NSL1: variants seen among roughly 807,000 people sequenced by gnomAD.
The protein encoded by NSL1 is kinetochore-associated protein NSL1 homolog.
In NSL1, 11 loss-of-function variants were observed where a neutral mutation model predicts 25.4. The observed-to-expected ratio is 0.43, with a 90% CI of 0.27 to 0.72. The LOEUF (loss-of-function observed/expected upper bound fraction) is 0.72. Ranked by LOEUF, NSL1 falls within the 30% of genes least tolerant of loss-of-function variation. The probability of loss-of-function intolerance (pLI) is 0.19; values close to 1 mark genes in which losing one functional copy is unlikely to be tolerated. For missense variants in NSL1, 330 were observed against 342.7 expected (o/e 0.96, Z 0.29); for synonymous variants, 118 against 120.6 (o/e 0.98, Z 0.14).
At chr1:212,786,804 TA>T (rs1660966850) in intron 2 of NSL1, among the ~76,000 whole-genome samples, 1 of 152,128 alleles carries the variant, frequency 6.6e-6, no homozygotes, top group East Asian at 1.9e-4. Context: ...AAACTCTGTC[TA>T]AAAAGAAAGA....
At chr1:212,790,958 A>G (rs190817651) in intron 1 of NSL1, among the ~76,000 whole-genome samples, 166 of 152,136 alleles carry the variant, frequency 1.1e-3, no homozygotes, top group African/African-American at 3.9e-3. Context: ...ATAAATAAAT[A>G]AAACATGCAA....
intron 1 of NSL1, among the ~76,000 whole-genome samples, chr1:212,790,138 C>T (rs547966400): frequency 5.9e-5 from 9 of 152,068 alleles, no homozygotes; most frequent in South Asian, 2.1e-4. Context: ...CTCAGCCTCC[C>T]GAGTAGCTGG....
intron 4 of NSL1, among the ~76,000 whole-genome samples, chr1:212,777,776 G>A (rs888850441): frequency 6.6e-6 from 1 of 152,294 alleles, no homozygotes. Flanking sequence ...TCTGAAACAA[G>A]TATGACAAAA....
chr1:212,741,740 G>A (rs1022473464), intron 4 of NSL1, among the ~76,000 whole-genome samples: 1 of 152,176 alleles, frequency 6.6e-6, no homozygotes, highest in Non-Finnish European at 1.5e-5. Context: ...ACAGCAGTGT[G>A]AGAAGAGACT....
At chr1:212,752,225 A>C (rs921452250) in intron 4 of NSL1, among the ~76,000 whole-genome samples, 1 of 152,252 alleles carries the variant, frequency 6.6e-6, no homozygotes, top group African/African-American at 2.4e-5. Flanking sequence ...ATAAGCCTGT[A>C]AAGGGTTGCC....
At position 212,727,142 on chromosome 1, in the gene NSL1, C is replaced by T; in HGVS notation, c.*11266G>A. On this transcript the variant is annotated 3_prime_UTR_variant, in exon 6 of 6. Coordinates refer to ENST00000366977, the MANE Select transcript of NSL1 (RefSeq NM_015471.4). Reference sequence around the variant, plus strand: ...GAAGGTTCCCCGATCCCCTTCTCTCCTAAACTGCCCCTAGAGCTAGTCCAC... The same window carrying T: ...GAAGGTTCCCCGATCCCCTTCTCTCTTAAACTGCCCCTAGAGCTAGTCCAC... The T allele has an allele frequency of 1.9e-6, 3 of 1,578,986 alleles. No individual in the cohort carries two copies. Among genetic ancestry groups the T allele is most frequent in the Admixed American group, 1.8e-5 (1 of 55,602 alleles).
At chr1:212,780,308 T>TGC (rs1444085958) in intron 4 of NSL1, among the ~76,000 whole-genome samples, 2 of 152,050 alleles carry the variant, frequency 1.3e-5, no homozygotes, top group African/African-American at 2.4e-5. Flanking sequence ...GAAGGCAGCG[T>TGC]GCTCGTTGAG....
chr1:212,790,679 T>C (rs1661173783), intron 1 of NSL1, among the ~76,000 whole-genome samples: 1 of 152,020 alleles, frequency 6.6e-6, no homozygotes, highest in Non-Finnish European at 1.5e-5. Context: ...TACCAGCACT[T>C]TGGGAGCCCA....
At position 212,782,131 on chromosome 1, in the gene NSL1, G is replaced by A. The variant is rs1020738932; in HGVS notation, c.499+241C>T. 5 of 704,088 alleles carry A rather than the reference G, an allele frequency of 7.1e-6. No individual in the cohort carries two copies. The East Asian group carries it at 1.4e-4, about 19-fold the overall frequency. The allele number at this position is 704,088 out of a possible 1,614,324, so 43.6% of individuals were successfully genotyped here. ...AGATGGGTATGTGTTATAATAGTCT[G>A]GGTCAGGCAAGAACTTTATAAAAGC... On this transcript the variant is annotated intron_variant, in intron 4 of 5. Coordinates refer to ENST00000366977, the MANE Select transcript of NSL1 (RefSeq NM_015471.4).
At chr1:212,764,797 G>A (rs1454465703) in intron 4 of NSL1, among the ~76,000 whole-genome samples, 1 of 112,526 alleles carries the variant, frequency 8.9e-6, no homozygotes, top group Non-Finnish European at 1.6e-5. Context: ...AGTGAGCCAA[G>A]ATCACACCAC....
chr1:212,780,160 G>T (rs1424860742), intron 4 of NSL1, among the ~76,000 whole-genome samples: 1 of 151,936 alleles, frequency 6.6e-6, no homozygotes, highest in Non-Finnish European at 1.5e-5. Flanking sequence ...TCTGTACTAA[G>T]AAAAATTCTT....
intron 4 of NSL1, among the ~76,000 whole-genome samples, chr1:212,741,270 C>T (rs1356265908): frequency 6.6e-6 from 1 of 152,168 alleles, no homozygotes; most frequent in Admixed American, 6.5e-5. Flanking sequence ...CAGGCCCACA[C>T]TTACTCTCTC....
At chr1:212,768,583 G>A (rs1381425295) in intron 4 of NSL1, among the ~76,000 whole-genome samples, 1 of 152,194 alleles carries the variant, frequency 6.6e-6, no homozygotes, top group African/African-American at 2.4e-5. Context: ...AACCTGGATG[G>A]AGTTGGAGTC....
Position 212,735,630 on chromosome 1 carries a change from G to A in NSL1, c.*2778C>T. The A allele has an allele frequency of 3.0e-6, 2 of 662,116 alleles. No homozygotes were observed. The highest frequency in any genetic ancestry group is 3.7e-6 in the Non-Finnish European group (2 of 534,872). The allele number at this position is 662,116 out of a possible 1,614,324, so 41.0% of individuals were successfully genotyped here. A position where few individuals can be genotyped will look rare whatever the true frequency, so the allele number is the denominator to read the frequency against. On this transcript the variant is annotated 3_prime_UTR_variant, in exon 6 of 6. Coordinates refer to ENST00000366977, the MANE Select transcript of NSL1 (RefSeq NM_015471.4). ...CTCCCATGTGCCTATAGCTGTATTT[G>A]GAGATGGGGCCTCTAAGGAAATAAT...
intron 4 of NSL1, among the ~76,000 whole-genome samples, chr1:212,744,752 ACAG>A (rs1658677813): frequency 6.6e-6 from 1 of 152,194 alleles, no homozygotes; most frequent in Non-Finnish European, 1.5e-5. Context: ...TGAGTGTTCA[ACAG>A]CAGATTTGGG....
intron 1 of NSL1, among the ~76,000 whole-genome samples, chr1:212,789,340 T>G (rs1661078403): frequency 6.6e-6 from 1 of 152,182 alleles, no homozygotes; most frequent in South Asian, 2.1e-4. Context: ...GTCTCCCGAA[T>G]AGCTGGGATT....
intron 4 of NSL1, among the ~76,000 whole-genome samples, chr1:212,741,509 T>G (rs190406646): frequency 2.6e-5 from 4 of 152,260 alleles, no homozygotes; most frequent in Middle Eastern, 6.8e-3. Flanking sequence ...GAGATCTGGT[T>G]GTTTGAAAGT....
intron 4 of NSL1, among the ~76,000 whole-genome samples, chr1:212,779,474 C>T (rs1246874570): frequency 7.8e-6 from 1 of 128,426 alleles, no homozygotes; most frequent in Non-Finnish European, 1.7e-5. Context: ...AGGAGCCCCT[C>T]TGCACGGCCA....
At chr1:212,748,060 C>T (rs973298300) in intron 4 of NSL1, among the ~76,000 whole-genome samples, 1 of 152,194 alleles carries the variant, frequency 6.6e-6, no homozygotes, top group Non-Finnish European at 1.5e-5. Flanking sequence ...GCCACTGTGA[C>T]CAGCCTTACT....
Sources: allele counts gnomAD v4.1 joint callset (sites outside exome capture counted in the v4.1 genomes callset), GRCh38; gene constraint gnomAD v4.1.1; transcripts MANE v1.5; gene names NCBI Gene and HGNC (gene_info 2026-07-23, HGNC 2026-07-21).